DLG2: variants seen among roughly 807,000 people sequenced by gnomAD.
DLG2 encodes the protein discs large MAGUK scaffold protein 2.
Under a neutral mutation model 132.5 loss-of-function variants are expected in DLG2, and 45 were observed. The ratio of observed to expected loss-of-function variants is 0.34; its 90% CI spans 0.27 to 0.44. The LOEUF (loss-of-function observed/expected upper bound fraction) is 0.44, where lower values mean the gene tolerates loss of function less well. Ranked by LOEUF, DLG2 falls within the 20% of genes least tolerant of loss-of-function variation. The pLI is 1.00. For missense variants in DLG2, 1,045 were observed against 1,196.9 expected, an observed-to-expected ratio of 0.87 and a Z score of 1.87; for synonymous variants, 424 against 419.6, an observed-to-expected ratio of 1.01 and a Z score of -0.13.
Position 85,184,837 on chromosome 11 carries a change from TAAC to T in DLG2, c.187-30189_187-30187del, listed in dbSNP as rs1433536235. ...CAGTAGAGCAAAATGTGAATAAATT[TAAC>T]AACTATACTGTGTTATCATAGCAAC... On this transcript the variant is annotated intron_variant, in intron 4 of 27. Coordinates refer to ENST00000376104, the MANE Select transcript of DLG2 (RefSeq NM_001142699.3). Among the ~76,000 whole-genome samples, 4 of 151,972 alleles carry T rather than the reference TAAC, an allele frequency of 2.6e-5. No individual in the cohort carries two copies. The East Asian group carries it at 7.7e-4, about 29-fold the overall frequency.
At chr11:85,262,819 A>G (rs979679720) in intron 4 of DLG2, among the ~76,000 whole-genome samples, 9 of 152,164 alleles carry the variant, frequency 5.9e-5, no homozygotes, top group African/African-American at 4.8e-5. Flanking sequence ...GTTCATCTGC[A>G]TCTCATTATG....
In DLG2 at chr11:84,754,782, T is replaced by C. The variant is rs1001432781; in HGVS notation, c.358-220051A>G. Among the ~76,000 whole-genome samples, 5 of 152,294 alleles carry C rather than the reference T, an allele frequency of 3.3e-5. No individual in the cohort carries two copies. The East Asian group carries it at 7.7e-4, about 24-fold the overall frequency. ...CAAGAGTAAACCTTAGCGTGAACCA[T>C]GGACTTAGGTGATTATGATGTGTCA... On this transcript the variant is annotated intron_variant, in intron 6 of 27. Transcript: ENST00000376104.
At chr11:85,582,705 A>AC (rs2078631514) in intron 3 of DLG2, among the ~76,000 whole-genome samples, 2 of 138,290 alleles carry the variant, frequency 1.4e-5, no homozygotes, top group Non-Finnish European at 3.1e-5. Flanking sequence ...AAAAAAAAAA[A>AC]CTCGTGCAGC....
intron 6 of DLG2, among the ~76,000 whole-genome samples, chr11:84,691,392 T>C (rs2058023142): frequency 6.6e-6 from 1 of 151,808 alleles, no homozygotes; most frequent in South Asian, 2.1e-4. Context: ...TGGCTAAAAT[T>C]CTACGTTAAA....
intron 3 of DLG2, among the ~76,000 whole-genome samples, chr11:85,410,742 AATGAGTACACT>A (rs2089235905): frequency 6.6e-6 from 1 of 151,912 alleles, no homozygotes; most frequent in Admixed American, 6.6e-5. Flanking sequence ...CAAATAAACA[AATGAGTACACT>A]ATGGTATAGT....
intron 6 of DLG2, among the ~76,000 whole-genome samples, chr11:84,707,916 C>T (rs1205936450): frequency 6.6e-6 from 1 of 151,718 alleles, no homozygotes; most frequent in Non-Finnish European, 1.5e-5. Context: ...ATGGTCAGTC[C>T]CCGGAAAATG....
At chr11:84,797,271 T>C (rs2074764375) in intron 6 of DLG2, among the ~76,000 whole-genome samples, 1 of 152,190 alleles carries the variant, frequency 6.6e-6, no homozygotes, top group Non-Finnish European at 1.5e-5. Flanking sequence ...TATATCTTTC[T>C]CTAGATTTGG....
chr11:84,701,611 T>A (rs1483517817), intron 6 of DLG2, among the ~76,000 whole-genome samples: 3 of 151,480 alleles, frequency 2.0e-5, no homozygotes, highest in Non-Finnish European at 4.4e-5. Flanking sequence ...GTGTTTGAGC[T>A]CCCCCAACCC....
At chr11:84,500,884 T>C (rs1462104048) in intron 7 of DLG2, among the ~76,000 whole-genome samples, 2 of 152,206 alleles carry the variant, frequency 1.3e-5, no homozygotes, top group African/African-American at 4.8e-5. Flanking sequence ...AAATTCTTAT[T>C]TCCTTATCCA....
At chr11:85,248,304 T>C (rs2076234065) in intron 4 of DLG2, among the ~76,000 whole-genome samples, 1 of 152,142 alleles carries the variant, frequency 6.6e-6, no homozygotes, top group Non-Finnish European at 1.5e-5. Context: ...TTATACCTTT[T>C]TGTTGTGGTC....
chr11:85,579,049 C>T (rs965571440), intron 3 of DLG2, among the ~76,000 whole-genome samples: 2 of 151,954 alleles, frequency 1.3e-5, no homozygotes, highest in Admixed American at 1.3e-4. Flanking sequence ...TACTACACAG[C>T]CATAAAAAAG....
At chr11:84,637,378 A>G (rs1387562143) in intron 6 of DLG2, among the ~76,000 whole-genome samples, 1 of 152,178 alleles carries the variant, frequency 6.6e-6, no homozygotes, top group Non-Finnish European at 1.5e-5. Flanking sequence ...TTAATTACCT[A>G]GCTCTGCTGC....
At chr11:85,261,154 G>T (rs960517930) in intron 4 of DLG2, among the ~76,000 whole-genome samples, 2 of 152,104 alleles carry the variant, frequency 1.3e-5, no homozygotes, top group African/African-American at 4.8e-5. Context: ...GCAGAGAAGG[G>T]GCTGTCTGCA....
chr11:84,571,253 C>T (rs1439827802), intron 6 of DLG2, among the ~76,000 whole-genome samples: 1 of 151,754 alleles, frequency 6.6e-6, no homozygotes. Flanking sequence ...TCTTTTTTCC[C>T]ATCTCCTCTT....
rs369119339 is a variant in DLG2 at position 85,277,792 on chromosome 11, CT to C, written c.186+7427del. 9.5e-4 allele frequency among the ~76,000 whole-genome samples: 144 copies of C among 152,310 alleles called. 1 individual carries two copies. The highest frequency in any genetic ancestry group is 3.2e-3 in the African/African-American group (135 of 41,576). On this transcript the variant is annotated intron_variant, in intron 4 of 27. Transcript: ENST00000376104. ...TGTCAAGAAAAAATCTATCCATGAT[CT>C]TCCAGGAGGGTAATACATAGTCTCC...
Position 83,630,642 on chromosome 11 carries a change from C to G in DLG2, c.1940+2569G>C, listed in dbSNP as rs761306727. Among the ~76,000 whole-genome samples, 4 of 152,120 alleles carry G rather than the reference C, an allele frequency of 2.6e-5. No homozygotes were observed. In the South Asian group the frequency reaches 6.2e-4, roughly 24 times the overall value. ...GACAGAAGCAGATTGGGAATCACAG[C>G]TAAAGTGTATTCAACAGCTGACACC... is the stretch of plus-strand genomic sequence containing the variant. On this transcript the variant is annotated intron_variant, in intron 19 of 27. Coordinates refer to ENST00000376104, the MANE Select transcript of DLG2 (RefSeq NM_001142699.3).
chr11:84,538,308 G>A (rs997605903), intron 6 of DLG2, among the ~76,000 whole-genome samples: 1 of 152,166 alleles, frequency 6.6e-6, no homozygotes, highest in African/African-American at 2.4e-5. Flanking sequence ...GTCTTAAAGT[G>A]GATTGTAGCA....
intron 16 of DLG2, among the ~76,000 whole-genome samples, chr11:83,840,009 C>A (rs531678576): frequency 5.1e-4 from 78 of 152,278 alleles, no homozygotes; most frequent in Non-Finnish European, 9.4e-4. Context: ...ACCTTACTAC[C>A]CTGCTTAAAC....
intron 16 of DLG2, among the ~76,000 whole-genome samples, chr11:83,850,652 G>T (rs554487104): frequency 6.6e-6 from 1 of 152,344 alleles, no homozygotes; most frequent in South Asian, 2.1e-4. Context: ...GCAGAGGCCA[G>T]ATCAGGAAGA....
Sources: allele counts gnomAD v4.1 joint callset (sites outside exome capture counted in the v4.1 genomes callset), GRCh38; gene constraint gnomAD v4.1.1; transcripts MANE v1.5; gene names NCBI Gene and HGNC (gene_info 2026-07-23, HGNC 2026-07-21).